The following STK31 variants were observed in gnomAD, a reference collection of about 807,000 sequenced individuals.
STK31 encodes serine/threonine-protein kinase 31.
Under a neutral mutation model 129.7 loss-of-function variants are expected in STK31, and 89 were observed. The observed-to-expected ratio is 0.69, with a 90% confidence interval of 0.58 to 0.82. The LOEUF (loss-of-function observed/expected upper bound fraction) is 0.82, where lower values mean the gene tolerates loss of function less well. STK31 is among the 40% of genes least tolerant of loss of function. The pLI is 0.00. For synonymous variants in STK31, 448 were observed against 395.3 expected (o/e 1.13, Z -1.58); for missense variants, 1,187 against 1,176.4 (o/e 1.01, Z -0.13).
chr7:23,787,782 AAAC>A (rs1791382209), intron 20 of STK31, among the ~76,000 whole-genome samples, 195 bp from the exon 21 acceptor site: 3 of 138,254 alleles, frequency 2.2e-5, no homozygotes, highest in Non-Finnish European at 4.8e-5. Context: ...ACACACACAC[AAAC>A]ACACACAGGC....
intron 21 of STK31, 45 bp from the exon 22 acceptor site, chr7:23,790,779 C>A: frequency 1.3e-6 from 2 of 1,490,970 alleles, no homozygotes; most frequent in South Asian, 2.9e-5. Flanking sequence ...AGAAAGTCAC[C>A]TCAACTGTGT....
At position 23,753,046 on chromosome 7, in the gene STK31, G is replaced by A. The variant is rs574645129; in HGVS notation, c.1133+214G>A. 2.0e-5 allele frequency among the ~76,000 whole-genome samples: 3 copies of A among 152,150 alleles called. No individual in the cohort carries two copies. The South Asian group carries it at 6.2e-4, about 32-fold the overall frequency. ...CTGCTTGGAGCTAGAGTGTTCTAAG[G>A]TTATAACTGAGACTGAAATTGAAAA... On this transcript the variant is annotated intron_variant, in intron 9 of 23. Transcript: ENST00000355870.
At chr7:23,765,557 A>ATT (rs1789767288) in intron 11 of STK31, among the ~76,000 whole-genome samples, 1 of 68,234 alleles carries the variant, frequency 1.5e-5, no homozygotes, top group Non-Finnish European at 3.4e-5. Context: ...CACCTCTTAT[A>ATT]CTTTTTTTTT....
In STK31 at chr7:23,736,972, A is replaced by C; in HGVS notation, c.911A>C (p.Gln304Pro). The C allele has an allele frequency of 6.2e-7, 1 of 1,613,998 alleles. No individual in the cohort carries two copies. Among genetic ancestry groups the C allele is most frequent in the Non-Finnish European group, 8.5e-7 (1 of 1,179,942 alleles). The stretch of plus-strand genomic sequence containing the variant: ...AGCCTGGAAAAAATTAAGCAGGACC[A>C]GAAACTGATTGAAGAAAATGAAAAA... ...NVSLEKIKQDQKLIEENEKLK... is the reference protein window; with the variant it reads ...NVSLEKIKQDPKLIEENEKLK... Residue 304 changes from glutamine (Q) to proline (P), a missense_variant, in exon 8 of 24, where the codon CAG (glutamine) becomes CCG (proline). Coordinates refer to ENST00000355870, the MANE Select transcript of STK31 (RefSeq NM_031414.5).
intron 22 of STK31, among the ~76,000 whole-genome samples, chr7:23,806,921 AAGAG>A (rs1241369965): frequency 5.0e-4 from 75 of 151,080 alleles, no homozygotes; most frequent in African/African-American, 1.7e-3. Context: ...AAAAAAAAAA[AAGAG>A]AGATACAGGA....
chr7:23,773,154 C>A (rs1382669873), intron 15 of STK31, among the ~76,000 whole-genome samples: 2 of 152,108 alleles, frequency 1.3e-5, no homozygotes, highest in Non-Finnish European at 2.9e-5. Flanking sequence ...ATCAACCCGT[C>A]ACCTACATTA....
At chr7:23,788,677 G>T (rs547807607) in intron 21 of STK31, among the ~76,000 whole-genome samples, 2 of 151,822 alleles carry the variant, frequency 1.3e-5, no homozygotes, top group Non-Finnish European at 2.9e-5. Flanking sequence ...TTTTTTTGTC[G>T]TTATAATGGA....
intron 16 of STK31, 34 bp from the exon 17 acceptor site, chr7:23,783,549 T>G (rs765284138): frequency 6.6e-7 from 1 of 1,509,700 alleles, no homozygotes; most frequent in East Asian, 2.3e-5. Flanking sequence ...TATATATTGA[T>G]CTACAGTTAA....
intron 22 of STK31, among the ~76,000 whole-genome samples, chr7:23,797,881 G>A (rs1344217619): frequency 1.3e-5 from 2 of 151,890 alleles, no homozygotes; most frequent in African/African-American, 4.8e-5. Context: ...TAATAAAGAA[G>A]AATCAAATAG....
chr7:23,760,447 C>G (rs535451280), intron 10 of STK31, among the ~76,000 whole-genome samples: 1 of 152,256 alleles, frequency 6.6e-6, no homozygotes, highest in Admixed American at 6.5e-5. Context: ...GTATTAGATT[C>G]TAACTGATCA....
At chr7:23,721,408 C>T (rs2066096370) in intron 4 of STK31, 5 of 1,102,984 alleles carry the variant, frequency 4.5e-6, no homozygotes, top group Non-Finnish European at 1.4e-6. Context: ...CCTCTGGCTT[C>T]ATTGCTTCAC....
At chr7:23,787,145 G>C (rs1008196676) in intron 20 of STK31, among the ~76,000 whole-genome samples, 1 of 152,152 alleles carries the variant, frequency 6.6e-6, no homozygotes, top group Admixed American at 6.5e-5. Flanking sequence ...GTTAGCCAGA[G>C]GTAGAGCTGG....
intron 22 of STK31, among the ~76,000 whole-genome samples, chr7:23,808,924 C>A (rs962434446): frequency 2.3e-5 from 2 of 86,284 alleles, no homozygotes; most frequent in Non-Finnish European, 5.1e-5. Flanking sequence ...CTACAGGAAG[C>A]AGGCTTTTCT....
chr7:23,750,077 C>G (rs1788620457), intron 8 of STK31, among the ~76,000 whole-genome samples: 1 of 127,500 alleles, frequency 7.8e-6, no homozygotes, highest in South Asian at 3.1e-4. Flanking sequence ...TCCCCCCCCG[C>G]CACTGCTGGA....
At chr7:23,806,532 A>G (rs544109978) in intron 22 of STK31, among the ~76,000 whole-genome samples, 156 of 152,216 alleles carry the variant, frequency 1.0e-3, no homozygotes, top group Non-Finnish European at 1.8e-3. Context: ...TAGAGGTTTT[A>G]TGATTCTAAC....
chr7:23,803,855 G>A (rs1792529308), intron 22 of STK31, among the ~76,000 whole-genome samples: 1 of 152,074 alleles, frequency 6.6e-6, no homozygotes, highest in Non-Finnish European at 1.5e-5. Flanking sequence ...TGAAATACAT[G>A]GACTATAGTT....
At chr7:23,770,880 C>A in intron 13 of STK31, 125 bp from the exon 14 acceptor site, 1 of 998,514 alleles carries the variant, frequency 1.0e-6, no homozygotes, top group Non-Finnish European at 1.4e-6. Flanking sequence ...TGTTTAAGAA[C>A]TGTTTTGAAA....
intron 8 of STK31, among the ~76,000 whole-genome samples, chr7:23,750,478 C>G (rs1324665605): frequency 6.6e-6 from 1 of 152,158 alleles, no homozygotes; most frequent in Admixed American, 6.5e-5. Context: ...GACTTCCAGG[C>G]TCCTTACATG....
intron 22 of STK31, among the ~76,000 whole-genome samples, 159 bp from the exon 23 acceptor site, chr7:23,814,985 A>C (rs1365093426): frequency 6.6e-6 from 1 of 152,154 alleles, no homozygotes; most frequent in Non-Finnish European, 1.5e-5. Flanking sequence ...GGTTGCTTGT[A>C]ATTAGAATGA....
Sources: allele counts gnomAD v4.1 joint callset (sites outside exome capture counted in the v4.1 genomes callset), GRCh38; gene constraint gnomAD v4.1.1; transcripts MANE v1.5; gene names NCBI Gene and HGNC (gene_info 2026-07-23, HGNC 2026-07-21).